The following CEP128 variants were observed in gnomAD, a reference collection of about 807,000 sequenced individuals.
CEP128 encodes the protein centrosomal protein 128kDa.
CEP128 carries 132 observed loss-of-function variants against 156.7 expected under a neutral mutation model. The observed-to-expected ratio is 0.84, with a 90% CI of 0.73 to 0.97. CEP128 has a LOEUF of 0.97. CEP128 is among the 50% of genes least tolerant of loss of function. The probability of loss-of-function intolerance (pLI) is 0.00; values close to 1 mark genes in which losing one functional copy is unlikely to be tolerated. For synonymous variants in CEP128, 469 were observed against 448.9 expected, an observed-to-expected ratio of 1.04 and a Z score of -0.57; for missense variants, 1,252 against 1,281.9, an observed-to-expected ratio of 0.98 and a Z score of 0.36.
intron 21 of CEP128, among the ~76,000 whole-genome samples, chr14:80,551,046 T>C (rs957759619): frequency 1.3e-5 from 2 of 152,138 alleles, no homozygotes; most frequent in African/African-American, 4.8e-5. Context: ...TATAACAATG[T>C]TACTCAATTC....
At chr14:80,786,105 A>C (rs536589350) in intron 14 of CEP128, among the ~76,000 whole-genome samples, 14 of 152,330 alleles carry the variant, frequency 9.2e-5, no homozygotes, top group African/African-American at 3.1e-4. Flanking sequence ...CTGGAAGCCC[A>C]CAAAGAAATG....
intron 13 of CEP128, among the ~76,000 whole-genome samples, chr14:80,821,012 T>C (rs1017917575): frequency 1.1e-4 from 16 of 152,218 alleles, no homozygotes; most frequent in Non-Finnish European, 2.1e-4. Flanking sequence ...TTGACCATTG[T>C]TTATATTAGT....
intron 19 of CEP128, among the ~76,000 whole-genome samples, chr14:80,631,832 C>T (rs1285421046): frequency 6.6e-6 from 1 of 151,956 alleles, no homozygotes; most frequent in Non-Finnish European, 1.5e-5. Flanking sequence ...AGGGACCTCA[C>T]CATATTAAGG....
intron 19 of CEP128, among the ~76,000 whole-genome samples, chr14:80,660,120 C>G (rs1317013217): frequency 6.6e-6 from 1 of 152,074 alleles, no homozygotes; most frequent in African/African-American, 2.4e-5. Context: ...CTAGGTTATA[C>G]CATCATAAGT....
chr14:80,748,841 T>C (rs959262927), intron 18 of CEP128, among the ~76,000 whole-genome samples: 2 of 152,002 alleles, frequency 1.3e-5, no homozygotes, highest in African/African-American at 4.8e-5. Context: ...CCAAGTAGAC[T>C]CCTAAAGTTC....
At chr14:80,672,348 C>A (rs1265238360) in intron 19 of CEP128, among the ~76,000 whole-genome samples, 1 of 117,382 alleles carries the variant, frequency 8.5e-6, no homozygotes, top group African/African-American at 4.1e-5. Context: ...AGAAAAATGT[C>A]TTTTTTAAAA....
At chr14:80,816,241 C>T (rs1595446737) in intron 13 of CEP128, among the ~76,000 whole-genome samples, 1 of 152,032 alleles carries the variant, frequency 6.6e-6, no homozygotes, top group East Asian at 1.9e-4. Context: ...CCACTCTAGA[C>T]AGGCATAGTC....
chr14:80,922,366 C>T (rs1323487521), intron 2 of CEP128, among the ~76,000 whole-genome samples: 1 of 152,090 alleles, frequency 6.6e-6, no homozygotes, highest in Non-Finnish European at 1.5e-5. Context: ...ATTCACTGAC[C>T]AAAGGAAACA....
intron 8 of CEP128, among the ~76,000 whole-genome samples, chr14:80,883,438 A>C (rs550443829): frequency 1.3e-5 from 2 of 152,166 alleles, no homozygotes; most frequent in African/African-American, 4.8e-5. Context: ...TAGCATTTCT[A>C]TATGTCAACA....
At chr14:80,851,120 T>C (rs2140118308) in intron 9 of CEP128, among the ~76,000 whole-genome samples, 1 of 152,224 alleles carries the variant, frequency 6.6e-6, no homozygotes, top group African/African-American at 2.4e-5. Flanking sequence ...ATCACTTACA[T>C]TTGGAAACGT....
At chr14:80,809,938 A>T (rs945083220) in intron 13 of CEP128, among the ~76,000 whole-genome samples, 3 of 151,860 alleles carry the variant, frequency 2.0e-5, no homozygotes, top group African/African-American at 7.3e-5. Flanking sequence ...ACATAAAAAT[A>T]AAAAAAAGAC....
intron 19 of CEP128, among the ~76,000 whole-genome samples, chr14:80,693,173 C>A (rs1333472054): frequency 2.6e-5 from 4 of 152,170 alleles, no homozygotes; most frequent in Non-Finnish European, 5.9e-5. Flanking sequence ...CTAAAGCCTA[C>A]AGACCAATAC....
intron 23 of CEP128, among the ~76,000 whole-genome samples, chr14:80,518,483 A>G (rs1888595304): frequency 6.6e-6 from 1 of 152,136 alleles, no homozygotes; most frequent in Non-Finnish European, 1.5e-5. Context: ...AATTAAATTT[A>G]CTTGGTTAAT....
At chr14:80,520,706 A>G (rs1372547089) in intron 23 of CEP128, among the ~76,000 whole-genome samples, 1 of 152,186 alleles carries the variant, frequency 6.6e-6, no homozygotes, top group Non-Finnish European at 1.5e-5. Flanking sequence ...AAAATTTGCC[A>G]TAAACAAGCA....
chr14:80,676,080 T>C (rs1202736269), intron 19 of CEP128, among the ~76,000 whole-genome samples: 2 of 152,162 alleles, frequency 1.3e-5, no homozygotes, highest in African/African-American at 4.8e-5. Flanking sequence ...TCAAGTTCTA[T>C]AATAAGTGTT....
Position 80,729,058 on chromosome 14 carries a change from G to GGTGTGTGTGT in CEP128, c.2806+14007_2806+14016dup, listed in dbSNP as rs559470308. On this transcript the variant is annotated intron_variant, in intron 19 of 24. Transcript: ENST00000555265. ...CCTAGTCCCAGGCTGGGCTGGTGGG[G>GGTGTGTGTGT]GTGTGTGTGTGTGTGTGTGTGTGTG... Among the ~76,000 whole-genome samples, 672 of 104,944 alleles carry GGTGTGTGTGT rather than the reference G, an allele frequency of 6.4e-3. 22 individuals carry two copies. Among genetic ancestry groups the GGTGTGTGTGT allele is most frequent in the Middle Eastern group, 9.5e-3 (2 of 210 alleles). The allele number at this position is 104,944 out of a possible 152,430, so 68.8% of individuals were successfully genotyped here. A position where few individuals can be genotyped will look rare whatever the true frequency, so the allele number is the denominator to read the frequency against.
chr14:80,744,283 C>T (rs1386983546), intron 18 of CEP128, among the ~76,000 whole-genome samples: 4 of 152,108 alleles, frequency 2.6e-5, no homozygotes, highest in Non-Finnish European at 1.5e-5. Context: ...CTTCCTAAGT[C>T]AGGCTACCCT....
At chr14:80,644,004 AAG>A (rs539589596) in intron 19 of CEP128, among the ~76,000 whole-genome samples, 39 of 152,306 alleles carry the variant, frequency 2.6e-4, no homozygotes, top group Non-Finnish European at 5.1e-4. Flanking sequence ...CACATGAGAA[AAG>A]AGAGAGATTT....
At chr14:80,646,170 CAAG>C (rs1894623658) in intron 19 of CEP128, among the ~76,000 whole-genome samples, 1 of 152,010 alleles carries the variant, frequency 6.6e-6, no homozygotes, top group Admixed American at 6.6e-5. Flanking sequence ...CGTAAAACGC[CAAG>C]AATGAACCCT....
Sources: allele counts gnomAD v4.1 joint callset (sites outside exome capture counted in the v4.1 genomes callset), GRCh38; gene constraint gnomAD v4.1.1; transcripts MANE v1.5; gene names NCBI Gene and HGNC (gene_info 2026-07-23, HGNC 2026-07-21).